PTPRE: variants seen among roughly 807,000 people sequenced by gnomAD.
The protein encoded by PTPRE is protein tyrosine phosphatase receptor type E, also known as receptor-type tyrosine-protein phosphatase epsilon.
Under a neutral mutation model 102.0 loss-of-function variants are expected in PTPRE, and 51 were observed. That is an observed-to-expected ratio of 0.50 (90% confidence interval 0.40 to 0.63). The LOEUF (loss-of-function observed/expected upper bound fraction) is 0.63, where lower values mean the gene tolerates loss of function less well. PTPRE is among the 30% of genes least tolerant of loss of function. The pLI is 0.00. For synonymous variants in PTPRE, 345 were observed against 348.2 expected, an observed-to-expected ratio of 0.99 and a Z score of 0.10; for missense variants, 752 against 915.1, an observed-to-expected ratio of 0.82 and a Z score of 2.30.
In PTPRE at chr10:128,077,779, T is replaced by C; in HGVS notation, c.1888T>C (p.Cys630Arg). Residue 630 changes from cysteine (C) to arginine (R), a missense_variant, in exon 19 of 21, where the codon TGC (cysteine) becomes CGC (arginine). Physicochemically the swap from Cys to Arg is radical, Grantham distance 180. This residue lies in a region of PTPRE where 636 missense variants were observed against 824.4 expected (regional missense o/e 0.77). Coordinates refer to ENST00000254667, the MANE Select transcript of PTPRE (RefSeq NM_006504.6). ...AGGCAACCACCCCATCACCGTGCAC[T>C]GCAGGTGAGCCCCCAGCCCGAAGCC... is the stretch of plus-strand genomic sequence containing the variant. ...QTGNHPITVH[C>R]SAGAGRTGTF... 1.3e-6 allele frequency: 2 copies of C among 1,589,484 alleles called. No individual in the cohort carries two copies. Among genetic ancestry groups the C allele is most frequent in the Non-Finnish European group, 1.7e-6 (2 of 1,160,200 alleles).
chr10:128,081,098 T>C (rs540605678), intron 20 of PTPRE, among the ~76,000 whole-genome samples: 1 of 152,254 alleles, frequency 6.6e-6, no homozygotes, highest in South Asian at 2.1e-4. Flanking sequence ...AGGGAAAGGC[T>C]TAACTAGTAC....
chr10:127,981,830 A>T (rs1330459259), intron 1 of PTPRE, among the ~76,000 whole-genome samples: 1 of 152,194 alleles, frequency 6.6e-6, no homozygotes, highest in African/African-American at 2.4e-5. Context: ...CAAAAAAAAA[A>T]AAAATTAATT....
At chr10:128,071,293 G>A (rs1850748923) in intron 15 of PTPRE, 1 of 238,176 alleles carries the variant, frequency 4.2e-6, no homozygotes, top group South Asian at 5.9e-5. Context: ...TACACAGAGG[G>A]GCCTGAGCCA....
At chr10:128,022,864 G>A (rs1474705600) in intron 2 of PTPRE, among the ~76,000 whole-genome samples, 10 of 152,238 alleles carry the variant, frequency 6.6e-5, no homozygotes, top group African/African-American at 2.2e-4. Context: ...AACCGCCATC[G>A]CTGCTCCAAA....
intron 2 of PTPRE, among the ~76,000 whole-genome samples, chr10:128,014,767 T>C (rs1239011574): frequency 1.3e-5 from 2 of 152,102 alleles, no homozygotes; most frequent in Non-Finnish European, 2.9e-5. Flanking sequence ...GTGAGGGCAC[T>C]GGGGGTGGTC....
chr10:128,067,425 T>C (rs1215924556), intron 11 of PTPRE, among the ~76,000 whole-genome samples: 1 of 146,218 alleles, frequency 6.8e-6, no homozygotes, highest in Non-Finnish European at 1.5e-5. Flanking sequence ...TGCACACGTG[T>C]ACGCACCCAC....
chr10:127,989,890 C>T (rs767124215), intron 2 of PTPRE, among the ~76,000 whole-genome samples: 1 of 152,172 alleles, frequency 6.6e-6, no homozygotes, highest in Non-Finnish European at 1.5e-5. Flanking sequence ...ACACACTTGG[C>T]ATGTTTCCTT....
intron 1 of PTPRE, among the ~76,000 whole-genome samples, chr10:127,956,018 G>T (rs1849377143): frequency 6.6e-6 from 1 of 152,052 alleles, no homozygotes; most frequent in Admixed American, 6.6e-5. Context: ...CATGAGATTT[G>T]GGCAGTACAC....
intron 9 of PTPRE, 147 bp downstream of exon 9, chr10:128,061,862 C>T (rs772651405): frequency 8.4e-5 from 86 of 1,029,866 alleles, no homozygotes; most frequent in Non-Finnish European, 1.1e-4. Flanking sequence ...TCCATTCACA[C>T]AACGGATATG....
intron 1 of PTPRE, among the ~76,000 whole-genome samples, chr10:127,942,786 C>T (rs76242797): frequency 0.047 from 7,214 of 152,158 alleles, 261 homozygotes; most frequent in Middle Eastern, 0.078. Context: ...AGTACTGGGG[C>T]GAGGTAGTGA....
chr10:128,020,907 T>C (rs1845823226), intron 2 of PTPRE, among the ~76,000 whole-genome samples: 1 of 151,808 alleles, frequency 6.6e-6, no homozygotes, highest in Non-Finnish European at 1.5e-5. Context: ...TTTTCTTTTT[T>C]TTTTTCTTGA....
intron 2 of PTPRE, among the ~76,000 whole-genome samples, chr10:127,985,308 C>T (rs986951325): frequency 1.2e-4 from 18 of 152,200 alleles, no homozygotes; most frequent in Admixed American, 5.9e-4. Flanking sequence ...ATGGGCTGGG[C>T]GTGGTGGCTC....
At chr10:127,920,154 T>TA (rs1846493042) in intron 1 of PTPRE, among the ~76,000 whole-genome samples, 2 of 152,154 alleles carry the variant, frequency 1.3e-5, no homozygotes, top group South Asian at 4.1e-4. Flanking sequence ...GCAATGGGCT[T>TA]AGCTAATGGT....
intron 17 of PTPRE, among the ~76,000 whole-genome samples, chr10:128,075,071 C>A (rs747868154): frequency 6.6e-6 from 1 of 152,220 alleles, no homozygotes; most frequent in Non-Finnish European, 1.5e-5. Context: ...ATCATTACAG[C>A]ATGTTGTCTT....
chr10:128,039,377 C>G (rs964742012), intron 2 of PTPRE, among the ~76,000 whole-genome samples: 3 of 151,912 alleles, frequency 2.0e-5, no homozygotes, highest in Non-Finnish European at 4.4e-5. Context: ...GGTTATTGTG[C>G]GGATAATACA....
intron 6 of PTPRE, among the ~76,000 whole-genome samples, chr10:128,055,357 C>T (rs763028397): frequency 1.4e-4 from 22 of 152,188 alleles, no homozygotes; most frequent in Non-Finnish European, 2.4e-4. Context: ...CCAGAGTTCA[C>T]GCTCGGTTAT....
At chr10:127,957,943 G>A (rs1415950399) in intron 1 of PTPRE, among the ~76,000 whole-genome samples, 1 of 152,032 alleles carries the variant, frequency 6.6e-6, no homozygotes, top group Admixed American at 6.6e-5. Flanking sequence ...TCATATTTAG[G>A]GATGCTAATA....
At chr10:128,042,739 T>A (rs1401341335) in intron 3 of PTPRE, among the ~76,000 whole-genome samples, 1 of 152,226 alleles carries the variant, frequency 6.6e-6, no homozygotes, top group East Asian at 1.9e-4. Context: ...TTTCATTTGT[T>A]CATCGAACAA....
intron 2 of PTPRE, among the ~76,000 whole-genome samples, chr10:127,994,662 T>C (rs1030313831): frequency 2.6e-5 from 4 of 152,238 alleles, no homozygotes; most frequent in African/African-American, 9.6e-5. Flanking sequence ...GATTTTTCTC[T>C]GTCCAACACC....
Sources: gnomAD v4.1 joint callset for allele counts (sites outside exome capture counted in the v4.1 genomes callset) on GRCh38, gnomAD v4.1.1 for gene constraint, gnomAD v4.1.1 regional missense constraint, MANE v1.5 for transcripts, NCBI Gene and HGNC (gene_info 2026-07-23, HGNC 2026-07-21) for gene names.